Variants in HPSE2 observed in about 807,000 individuals in gnomAD.
The protein encoded by HPSE2 is heparanase 2 (inactive), also known as inactive heparanase-2.
Under a neutral mutation model 60.5 loss-of-function variants are expected in HPSE2, and 38 were observed. The observed-to-expected ratio is 0.63, with a 90% CI of 0.48 to 0.82. The LOEUF is 0.82. Among genes scored for constraint, HPSE2 ranks in the 40% least tolerant of loss-of-function variants. HPSE2 has a pLI of 0.00. For missense variants in HPSE2, 713 were observed against 740.4 expected (o/e 0.96, Z 0.43); for synonymous variants, 295 against 293.2 (o/e 1.01, Z -0.06).
chr10:99,006,082 T>C (rs1177870418), intron 3 of HPSE2, among the ~76,000 whole-genome samples: 13 of 152,148 alleles, frequency 8.5e-5, no homozygotes, highest in Non-Finnish European at 4.4e-5. Context: ...GGGGCTTCCC[T>C]GAAGCCTGTA....
chr10:98,780,006 G>T (rs1950428614), intron 3 of HPSE2, among the ~76,000 whole-genome samples: 1 of 151,998 alleles, frequency 6.6e-6, no homozygotes, highest in African/African-American at 2.4e-5. Context: ...TCTCCTTCAA[G>T]CTCAGATTTC....
intron 6 of HPSE2, among the ~76,000 whole-genome samples, chr10:98,675,656 AG>A (rs1415360494): frequency 1.3e-5 from 2 of 151,964 alleles, no homozygotes; most frequent in African/African-American, 4.8e-5. Flanking sequence ...TAAGCTCAGG[AG>A]GTTGGAGCTA....
At chr10:98,683,055 G>A (rs1947825286) in intron 6 of HPSE2, among the ~76,000 whole-genome samples, 1 of 152,184 alleles carries the variant, frequency 6.6e-6, no homozygotes, top group Admixed American at 6.5e-5. Context: ...CAAAATGGTA[G>A]AATAGAGAAT....
chr10:98,925,764 T>C (rs1240791573), intron 3 of HPSE2, among the ~76,000 whole-genome samples: 1 of 152,194 alleles, frequency 6.6e-6, no homozygotes, highest in African/African-American at 2.4e-5. Flanking sequence ...CCTTTCTGTC[T>C]TGCTAGATTG....
At chr10:98,608,290 G>A (rs180932074) in intron 9 of HPSE2, among the ~76,000 whole-genome samples, 2 of 152,316 alleles carry the variant, frequency 1.3e-5, no homozygotes, top group East Asian at 1.9e-4. Flanking sequence ...AAATTGTGGT[G>A]TGCATTTTGA....
intron 4 of HPSE2, among the ~76,000 whole-genome samples, chr10:98,731,363 C>T (rs543297574): frequency 1.3e-5 from 2 of 152,066 alleles, no homozygotes; most frequent in Non-Finnish European, 2.9e-5. Context: ...GTAAAATCCC[C>T]AACAAAATAT....
At chr10:98,648,967 AC>A (rs1172537660) in intron 6 of HPSE2, among the ~76,000 whole-genome samples, 4 of 152,142 alleles carry the variant, frequency 2.6e-5, no homozygotes, top group African/African-American at 9.7e-5. Flanking sequence ...AGAACATCCT[AC>A]AACTCTCAGC....
chr10:98,937,448 T>A (rs1954837436), intron 3 of HPSE2, among the ~76,000 whole-genome samples: 1 of 144,366 alleles, frequency 6.9e-6, no homozygotes, highest in Non-Finnish European at 1.5e-5. Context: ...CGCACATGGC[T>A]TGGAGGGTCC....
intron 4 of HPSE2, among the ~76,000 whole-genome samples, chr10:98,726,303 C>A (rs1949077644): frequency 6.6e-6 from 1 of 151,924 alleles, no homozygotes; most frequent in Non-Finnish European, 1.5e-5. Flanking sequence ...TACTATGCAG[C>A]CATAAAAAAT....
chr10:99,027,712 CACT>C (rs1450700086), intron 3 of HPSE2, among the ~76,000 whole-genome samples: 5 of 112,358 alleles, frequency 4.5e-5, no homozygotes, highest in African/African-American at 1.6e-4. Flanking sequence ...CCACCACCAC[CACT>C]ACGGGCCAAT....
At chr10:99,283,599 C>A in the HPSE2 span, among the ~76,000 whole-genome samples, 1 of 151,792 alleles carries the variant, frequency 6.6e-6, no homozygotes, top group Non-Finnish European at 1.5e-5. Context: ...ATTAACAAAC[C>A]TTTAGGCAAA....
chr10:99,068,487 C>T (rs1312841141), intron 3 of HPSE2, among the ~76,000 whole-genome samples: 2 of 152,152 alleles, frequency 1.3e-5, no homozygotes, highest in East Asian at 3.9e-4. Flanking sequence ...ATAAAGCCAT[C>T]AGATCTTGTG....
rs76758419 is a variant in HPSE2 at position 98,605,488 on chromosome 10, C to T, written c.1320+9416G>A. On this transcript the variant is annotated intron_variant, in intron 9 of 11. Transcript: ENST00000370552. ...TGAAATTTGTAAAGATACTAAAAAACGGAATAGTATAATAAACCACCAAAT... is the reference window on the plus strand; with the variant it reads ...TGAAATTTGTAAAGATACTAAAAAATGGAATAGTATAATAAACCACCAAAT... 1.0e-2 allele frequency among the ~76,000 whole-genome samples: 1,520 copies of T among 152,150 alleles called. 27 individuals are homozygous for T. Among genetic ancestry groups the T allele is most frequent in the African/African-American group, 0.033 (1,383 of 41,500 alleles).
rs150386451 is a variant in HPSE2 at position 99,136,227 on chromosome 10, G to A, written c.610+8011C>T. On this transcript the variant is annotated intron_variant, in intron 3 of 11. Transcript: ENST00000370552. ...CTCTGAAAAAACCAATAATAAGTTC[G>A]GAAATTGAAGCAGTAATTAATAGCC... Among the ~76,000 whole-genome samples the A allele has an allele frequency of 5.7e-3, 872 of 152,070 alleles. 5 individuals carry two copies. Among genetic ancestry groups the A allele is most frequent in the African/African-American group, 0.02 (814 of 41,516 alleles).
chr10:99,013,993 T>C (rs1409312580), intron 3 of HPSE2: 2 of 349,304 alleles, frequency 5.7e-6, no homozygotes, highest in South Asian at 2.3e-5. Context: ...CCAGACCGCC[T>C]GGCCTCCCTG....
the HPSE2 span, among the ~76,000 whole-genome samples, chr10:99,245,631 A>G: frequency 6.6e-6 from 1 of 152,240 alleles, no homozygotes; most frequent in African/African-American, 2.4e-5. Flanking sequence ...ATACTGAATA[A>G]CGCTAATTGT....
chr10:98,795,697 T>A (rs531208392), intron 3 of HPSE2, among the ~76,000 whole-genome samples: 1 of 152,270 alleles, frequency 6.6e-6, no homozygotes, highest in South Asian at 2.1e-4. Context: ...CCAGCCAGGG[T>A]GGCTAAGGGA....
At chr10:99,107,160 C>G (rs1488081461) in intron 3 of HPSE2, among the ~76,000 whole-genome samples, 2 of 152,116 alleles carry the variant, frequency 1.3e-5, no homozygotes, top group Non-Finnish European at 2.9e-5. Flanking sequence ...TGTGAGCCAC[C>G]ACATCTGGCC....
At position 98,459,064 on chromosome 10, in the gene HPSE2, G is replaced by C. The variant is rs1407837020; in HGVS notation, c.*510C>G. 3 of 213,492 alleles carry C rather than the reference G, an allele frequency of 1.4e-5. No individual in the cohort carries two copies. Among genetic ancestry groups the C allele is most frequent in the Non-Finnish European group, 2.8e-5 (3 of 105,504 alleles). 13.2% of individuals were successfully genotyped at this position (213,492 alleles called of 1,614,324 possible). A position where few individuals can be genotyped will look rare whatever the true frequency, so the allele number is the denominator to read the frequency against. ...CACACCCATTACTCCCCTATGGAAA[G>C]AGATGTGTCAAAAAACTCAGGGCAG... On this transcript the variant is annotated 3_prime_UTR_variant, in exon 12 of 12. Coordinates refer to ENST00000370552, the MANE Select transcript of HPSE2 (RefSeq NM_021828.5).
Sources: gnomAD v4.1 joint callset for allele counts (sites outside exome capture counted in the v4.1 genomes callset) on GRCh38, gnomAD v4.1.1 for gene constraint, MANE v1.5 for transcripts, NCBI Gene and HGNC (gene_info 2026-07-23, HGNC 2026-07-21) for gene names.